Variants in AKR1C8 observed in about 807,000 individuals in gnomAD.
AKR1C8 encodes the protein aldo-keto reductase family 1 member C8.
the AKR1C8 span, among the ~76,000 whole-genome samples, chr10:5,140,136 G>T: frequency 6.6e-6 from 1 of 152,140 alleles, no homozygotes; most frequent in African/African-American, 2.4e-5. Context: ...TCATTAAAAA[G>T]TCAGGAAACA....
the AKR1C8 span, among the ~76,000 whole-genome samples, chr10:5,176,594 T>C: frequency 6.6e-6 from 1 of 151,682 alleles, no homozygotes; most frequent in African/African-American, 2.4e-5. Flanking sequence ...ACGATATTGA[T>C]TCTTCCTACC....
chr10:5,123,376 G>T, the AKR1C8 span: 2 of 326,660 alleles, frequency 6.1e-6, no homozygotes, highest in East Asian at 7.0e-5. Context: ...GGGATCACTT[G>T]TGCATTTTTG....
the AKR1C8 span, among the ~76,000 whole-genome samples, chr10:5,172,916 T>C: frequency 1.6e-4 from 24 of 152,204 alleles, 1 homozygote; most frequent in Non-Finnish European, 3.2e-4. Flanking sequence ...AATTTCCTGA[T>C]TGGATAATTG....
the AKR1C8 span, among the ~76,000 whole-genome samples, chr10:5,171,121 T>C: frequency 6.6e-6 from 1 of 152,144 alleles, no homozygotes; most frequent in Admixed American, 6.6e-5. Flanking sequence ...ATTTTAGCTC[T>C]TTAAAAGTCC....
At chr10:5,157,873 C>T in the AKR1C8 span, 8 of 394,508 alleles carry the variant, frequency 2.0e-5, no homozygotes, top group Non-Finnish European at 4.2e-5. Flanking sequence ...CTCCTTTTCC[C>T]CAAATTCTCC....
At chr10:5,151,809 G>A in the AKR1C8 span, among the ~76,000 whole-genome samples, 115 of 152,038 alleles carry the variant, frequency 7.6e-4, 1 homozygote, top group East Asian at 0.019. Context: ...TGCCCACCTC[G>A]GCCTCCCAAA....
At chr10:5,161,934 C>T in the AKR1C8 span, 10 of 534,310 alleles carry the variant, frequency 1.9e-5, no homozygotes, top group Middle Eastern at 3.2e-4. Context: ...TTTCTAGGGC[C>T]GGGTGAACCA....
At chr10:5,167,550 C>T in the AKR1C8 span, among the ~76,000 whole-genome samples, 121 of 152,236 alleles carry the variant, frequency 7.9e-4, 2 homozygotes, top group East Asian at 0.019. Flanking sequence ...AACCAAACAC[C>T]GCATGTTCTC....
chr10:5,164,514 A>T, the AKR1C8 span, among the ~76,000 whole-genome samples: 1 of 152,080 alleles, frequency 6.6e-6, no homozygotes, highest in Non-Finnish European at 1.5e-5. Context: ...ATTTATGGGA[A>T]GGGTTAGCAG....
At chr10:5,144,519 T>G in the AKR1C8 span, among the ~76,000 whole-genome samples, 1 of 151,378 alleles carries the variant, frequency 6.6e-6, no homozygotes, top group Non-Finnish European at 1.5e-5. Context: ...TGGAATGTTC[T>G]TCCATTTCTT....
At chr10:5,138,245 G>C in the AKR1C8 span, among the ~76,000 whole-genome samples, 1 of 151,990 alleles carries the variant, frequency 6.6e-6, no homozygotes. Context: ...AACCACATAA[G>C]AAAAACATTC....
chr10:5,161,681 G>A, the AKR1C8 span: 1 of 532,570 alleles, frequency 1.9e-6, no homozygotes, highest in African/African-American at 1.9e-5. Flanking sequence ...AATCTTGATG[G>A]TAGAGTCACT....
chr10:5,169,347 G>T, the AKR1C8 span, among the ~76,000 whole-genome samples: 1 of 152,132 alleles, frequency 6.6e-6, no homozygotes, highest in Non-Finnish European at 1.5e-5. Flanking sequence ...GCTGGGGGGC[G>T]GGGGAGACTT....
chr10:5,123,787 G>C, the AKR1C8 span: 369 of 1,613,314 alleles, frequency 2.3e-4, no homozygotes, highest in Non-Finnish European at 3.0e-4. Context: ...AAATCCAGCA[G>C]TTTGCTCTGG....
the AKR1C8 span, among the ~76,000 whole-genome samples, chr10:5,129,634 A>G: frequency 6.6e-6 from 1 of 152,178 alleles, no homozygotes; most frequent in Admixed American, 6.5e-5. Context: ...CAAGACAACT[A>G]AGAACACCTT....
At chr10:5,180,709 C>A in the AKR1C8 span, among the ~76,000 whole-genome samples, 16 of 152,342 alleles carry the variant, frequency 1.1e-4, no homozygotes, top group African/African-American at 3.6e-4. Context: ...CCTCCCCCAG[C>A]CTGGCTGTCG....
chr10:5,180,691 C>T, the AKR1C8 span, among the ~76,000 whole-genome samples: 17 of 152,328 alleles, frequency 1.1e-4, no homozygotes, highest in East Asian at 2.5e-3. Context: ...TGGGCAATGG[C>T]GGGTGCCCCT....
At chr10:5,181,340 C>T in the AKR1C8 span, among the ~76,000 whole-genome samples, 1 of 152,072 alleles carries the variant, frequency 6.6e-6, no homozygotes, top group Admixed American at 6.5e-5. Context: ...ATTTTCAAGT[C>T]ATAATAAAGA....
At chr10:5,118,881 T>C in the AKR1C8 span, among the ~76,000 whole-genome samples, 1 of 152,044 alleles carries the variant, frequency 6.6e-6, no homozygotes, top group Non-Finnish European at 1.5e-5. Flanking sequence ...TGCCTTCCAT[T>C]CCCTTGAAGA....
Sources: allele counts gnomAD v4.1 joint callset (sites outside exome capture counted in the v4.1 genomes callset), GRCh38; gene constraint gnomAD v4.1.1; transcripts MANE v1.5; gene names NCBI Gene and HGNC (gene_info 2026-07-23, HGNC 2026-07-21).